The following PCDHGA1 variants were observed in gnomAD, a reference collection of about 807,000 sequenced individuals.
PCDHGA1 encodes the protein protocadherin gamma-A1.
In PCDHGA1, 32 loss-of-function variants were observed where a neutral mutation model predicts 58.0. That is an observed-to-expected ratio of 0.55 (90% confidence interval 0.42 to 0.74). The LOEUF (loss-of-function observed/expected upper bound fraction) is 0.74, where lower values mean the gene tolerates loss of function less well. Among genes scored for constraint, PCDHGA1 ranks in the 30% least tolerant of loss-of-function variants. The pLI is 0.00. For synonymous variants in PCDHGA1, 498 were observed against 501.1 expected (o/e 0.99, Z 0.08); for missense variants, 1,205 against 1,182.3 (o/e 1.02, Z -0.28).
chr5:141,408,738 C>T, intron 1 of PCDHGA1: 2 of 1,609,632 alleles, frequency 1.2e-6, no homozygotes, highest in Non-Finnish European at 1.7e-6. Flanking sequence ...CCTTATTTTT[C>T]ATTAATGGTT....
In PCDHGA1 at chr5:141,431,265, G is replaced by T; in HGVS notation, c.2422-63542G>T. On this transcript the variant is annotated intron_variant, in intron 1 of 3. Transcript: ENST00000517417. The surrounding 1 kb of genome is among the most constrained non-coding windows in gnomAD (Gnocchi z 4.8). ...GATATCGGGAAGAACTCTCTGCAGAGCTACGAGCTCAGCCCGAACACTCAC... is the reference window on the plus strand; with the variant it reads ...GATATCGGGAAGAACTCTCTGCAGATCTACGAGCTCAGCCCGAACACTCAC... 1 of 1,614,168 alleles carries T rather than the reference G, an allele frequency of 6.2e-7. No homozygotes were observed. The highest frequency in any genetic ancestry group is 8.5e-7 in the Non-Finnish European group (1 of 1,180,054).
intron 1 of PCDHGA1, chr5:141,409,547 G>A (rs760802690): frequency 1.2e-6 from 2 of 1,613,936 alleles, no homozygotes; most frequent in Non-Finnish European, 1.7e-6. Flanking sequence ...CAACGACAAC[G>A]CCCCAGTTTT....
At chr5:141,368,255 T>C (rs1354188654) in intron 1 of PCDHGA1, among the ~76,000 whole-genome samples, 1 of 152,202 alleles carries the variant, frequency 6.6e-6, no homozygotes, top group Non-Finnish European at 1.5e-5. Context: ...GAAAGGTTAA[T>C]TGACACATTA....
At chr5:141,469,081 A>C (rs1451214440) in intron 1 of PCDHGA1, among the ~76,000 whole-genome samples, 1 of 151,790 alleles carries the variant, frequency 6.6e-6, no homozygotes, top group Non-Finnish European at 1.5e-5. Context: ...GTTTGAGACC[A>C]TTCTAGGCAA....
intron 1 of PCDHGA1, chr5:141,390,402 A>G: frequency 1.5e-6 from 2 of 1,321,630 alleles, no homozygotes; most frequent in Non-Finnish European, 2.1e-6. Flanking sequence ...CATTTTAGGA[A>G]AGTTGTAGTC....
intron 1 of PCDHGA1, chr5:141,357,292 G>T: frequency 6.2e-7 from 1 of 1,613,972 alleles, no homozygotes; most frequent in African/African-American, 1.3e-5. Flanking sequence ...GGTGGCAGTG[G>T]CCGCTGTCTC....
intron 1 of PCDHGA1, chr5:141,478,354 C>T (rs141625672): frequency 1.2e-6 from 2 of 1,613,778 alleles, no homozygotes; most frequent in Non-Finnish European, 8.5e-7. Context: ...ACGCGGACGC[C>T]GTGCGGGGAG....
chr5:141,443,118 C>A (rs1474257262), intron 1 of PCDHGA1, among the ~76,000 whole-genome samples: 1 of 151,762 alleles, frequency 6.6e-6, no homozygotes, highest in Non-Finnish European at 1.5e-5. Flanking sequence ...GCTTTTCAAA[C>A]CAGATTAAGA....
chr5:141,490,862 C>G lies in PCDHGA1; in HGVS notation c.2422-3945C>G. 1 of 1,613,878 alleles carries G rather than the reference C, an allele frequency of 6.2e-7. No homozygotes were observed. Among genetic ancestry groups the G allele is most frequent in the East Asian group, 2.2e-5 (1 of 44,874 alleles). ...GTGGTGGGGGTTCGAGACTCCGGCTCTCCCCCATTGCATGCCAACACATCT... is the reference window on the plus strand; with the variant it reads ...GTGGTGGGGGTTCGAGACTCCGGCTGTCCCCCATTGCATGCCAACACATCT... On this transcript the variant is annotated intron_variant, in intron 1 of 3. Coordinates refer to ENST00000517417, the MANE Select transcript of PCDHGA1 (RefSeq NM_018912.3). The surrounding 1 kb of genome is among the most constrained non-coding windows in gnomAD (Gnocchi z 5.4).
chr5:141,455,833 G>A (rs999291826), intron 1 of PCDHGA1, among the ~76,000 whole-genome samples: 1 of 151,468 alleles, frequency 6.6e-6, no homozygotes, highest in Admixed American at 6.6e-5. Flanking sequence ...CCCTTTTCCT[G>A]TCTATCTGCA....
At chr5:141,430,853 C>G (rs769009864) in intron 1 of PCDHGA1, 2 of 1,587,214 alleles carry the variant, frequency 1.3e-6, no homozygotes, top group Non-Finnish European at 1.7e-6. Flanking sequence ...CACCCAGATA[C>G]GCTATTCAGT....
intron 1 of PCDHGA1, chr5:141,390,018 C>A: frequency 2.5e-6 from 4 of 1,614,062 alleles, no homozygotes; most frequent in Non-Finnish European, 3.4e-6. Context: ...CATTGCCTTG[C>A]GCCTGCGACG....
intron 1 of PCDHGA1, chr5:141,426,496 G>A: frequency 3.0e-6 from 1 of 337,022 alleles, no homozygotes; most frequent in South Asian, 2.4e-5. Flanking sequence ...AGTTAGTGCA[G>A]AGAAACAATA....
At chr5:141,384,845 A>G (rs866832912) in intron 1 of PCDHGA1, 1 of 1,613,546 alleles carries the variant, frequency 6.2e-7, no homozygotes. Flanking sequence ...GTCCAGGACC[A>G]CGGTCAGCCT....
chr5:141,385,730 A>G (rs763520161), intron 1 of PCDHGA1: 8 of 214,510 alleles, frequency 3.7e-5, no homozygotes, highest in Non-Finnish European at 5.7e-5. Flanking sequence ...GTTCTGAAAG[A>G]TTTCTTCCAT....
chr5:141,414,751 T>C (rs2095785645), intron 1 of PCDHGA1: 4 of 1,614,084 alleles, frequency 2.5e-6, no homozygotes, highest in Non-Finnish European at 1.7e-6. Flanking sequence ...ATCCTTCGAC[T>C]ATGAGCAGTT....
At chr5:141,509,015 C>G (rs1370464396) in intron 3 of PCDHGA1, among the ~76,000 whole-genome samples, 2 of 152,098 alleles carry the variant, frequency 1.3e-5, no homozygotes, top group African/African-American at 4.8e-5. Context: ...AAGTGGGCAG[C>G]TGCTCCCTCC....
At chr5:141,342,156 TC>T (rs1230456443) in intron 1 of PCDHGA1, 1 of 152,292 alleles carries the variant, frequency 6.6e-6, no homozygotes, top group East Asian at 1.9e-4. Flanking sequence ...TGTATTTTAA[TC>T]TTTAAAATAA....
chr5:141,431,036 G>A lies in PCDHGA1; in HGVS notation c.2422-63771G>A. The A allele has an allele frequency of 6.2e-7, 1 of 1,614,204 alleles. No individual in the cohort carries two copies. Among genetic ancestry groups the A allele is most frequent in the Non-Finnish European group, 8.5e-7 (1 of 1,180,034 alleles). ...GGTCACGGCGGGCAGGATAGACCGG[G>A]AGGAGCTCTGTATGGGGGCCATCAA... On this transcript the variant is annotated intron_variant, in intron 1 of 3. Coordinates refer to ENST00000517417, the MANE Select transcript of PCDHGA1 (RefSeq NM_018912.3). This position sits in a 1 kb window ranked among gnomAD's most constrained non-coding sequence, Gnocchi z 4.8.
Sources: allele counts gnomAD v4.1 joint callset (sites outside exome capture counted in the v4.1 genomes callset), GRCh38; gene constraint gnomAD v4.1.1; non-coding constraint Gnocchi (gnomAD v3.1); transcripts MANE v1.5; gene names NCBI Gene and HGNC (gene_info 2026-07-23, HGNC 2026-07-21).